The following BICD1 variants were observed in gnomAD, a reference collection of about 807,000 sequenced individuals.
BICD1 encodes protein bicaudal D homolog 1.
In BICD1, 35 loss-of-function variants were observed where a neutral mutation model predicts 92.5. The observed-to-expected ratio is 0.38, with a 90% CI of 0.29 to 0.50. BICD1 has a LOEUF of 0.50. Among genes scored for constraint, BICD1 ranks in the 20% least tolerant of loss-of-function variants. The pLI is 0.93. For synonymous variants in BICD1, 429 were observed against 465.1 expected (o/e 0.92, Z 1.00); for missense variants, 950 against 1,189.8 (o/e 0.80, Z 2.97).
At chr12:32,204,259 A>G (rs1327386662) in intron 1 of BICD1, among the ~76,000 whole-genome samples, 1 of 151,904 alleles carries the variant, frequency 6.6e-6, no homozygotes, top group Non-Finnish European at 1.5e-5. Context: ...CTGAGGTGGG[A>G]AGATTGCCTG....
At chr12:32,114,726 A>G (rs1941827784) in intron 1 of BICD1, among the ~76,000 whole-genome samples, 1 of 152,198 alleles carries the variant, frequency 6.6e-6, no homozygotes, top group African/African-American at 2.4e-5. Context: ...TAGAAGCCTA[A>G]TTTCTAGAAT....
intron 1 of BICD1, among the ~76,000 whole-genome samples, chr12:32,199,563 TAC>T (rs1318928774): frequency 6.6e-6 from 1 of 152,168 alleles, no homozygotes; most frequent in Non-Finnish European, 1.5e-5. Flanking sequence ...AACTCAAAAT[TAC>T]AGTTTTCCAG....
At chr12:32,300,433 C>T (rs35298747) in intron 3 of BICD1, among the ~76,000 whole-genome samples, 27 of 151,334 alleles carry the variant, frequency 1.8e-4, no homozygotes, top group African/African-American at 5.6e-4. Flanking sequence ...AACCTCTGGT[C>T]TAGGCCATCA....
At chr12:32,257,648 G>A (rs1946756659) in intron 2 of BICD1, among the ~76,000 whole-genome samples, 1 of 152,122 alleles carries the variant, frequency 6.6e-6, no homozygotes, top group South Asian at 2.1e-4. Context: ...ATGAACCCTA[G>A]AAAGGCTTGC....
chr12:32,302,166 G>A (rs11051914), intron 3 of BICD1, among the ~76,000 whole-genome samples: 25,525 of 152,138 alleles, frequency 0.17, 2,752 homozygotes, highest in African/African-American at 0.3. Context: ...GATTACAGGC[G>A]TGAGCCACTG....
chr12:32,211,033 C>G (rs1211402368), intron 1 of BICD1, among the ~76,000 whole-genome samples: 2 of 152,188 alleles, frequency 1.3e-5, no homozygotes, highest in Non-Finnish European at 2.9e-5. Flanking sequence ...ATGCCCAATT[C>G]TAGTTGCTGA....
chr12:32,320,358 G>C (rs1255803731), intron 4 of BICD1, among the ~76,000 whole-genome samples: 13 of 151,858 alleles, frequency 8.6e-5, no homozygotes, highest in Admixed American at 8.5e-4. Flanking sequence ...AAAAGGTTTT[G>C]AGGCTGGGCA....
At chr12:32,134,849 G>T (rs370256071) in intron 1 of BICD1, among the ~76,000 whole-genome samples, 1 of 152,168 alleles carries the variant, frequency 6.6e-6, no homozygotes. Flanking sequence ...CTGATATCCC[G>T]TGGCCACAGT....
At chr12:32,373,590 G>A (rs1939817426) in intron 9 of BICD1, among the ~76,000 whole-genome samples, 1 of 152,082 alleles carries the variant, frequency 6.6e-6, no homozygotes, top group Non-Finnish European at 1.5e-5. Context: ...AAGAGTATTG[G>A]GGCCAGGTGC....
At chr12:32,346,586 GTATATATA>G (rs1209956649) in intron 8 of BICD1, among the ~76,000 whole-genome samples, 714 of 10,044 alleles carry the variant, frequency 0.071, 80 homozygotes, top group Middle Eastern at 0.21. Context: ...ATATATACGT[GTATATATA>G]TATATATATA....
At chr12:32,187,529 G>A (rs1190643886) in intron 1 of BICD1, among the ~76,000 whole-genome samples, 3 of 152,024 alleles carry the variant, frequency 2.0e-5, no homozygotes, top group Non-Finnish European at 4.4e-5. Flanking sequence ...AAAATTATTC[G>A]GGCGTGGTGG....
intron 1 of BICD1, among the ~76,000 whole-genome samples, chr12:32,156,557 G>A (rs533089159): frequency 3.3e-5 from 5 of 152,306 alleles, no homozygotes; most frequent in African/African-American, 9.6e-5. Context: ...GGAGATCACC[G>A]TGAACAGCAT....
chr12:32,158,116 T>TC (rs922475230), intron 1 of BICD1, among the ~76,000 whole-genome samples: 5 of 150,654 alleles, frequency 3.3e-5, no homozygotes, highest in Non-Finnish European at 1.5e-5. Context: ...CTTTTTTTTT[T>TC]TTTTTTGAGA....
At chr12:32,119,867 T>G (rs1942080178) in intron 1 of BICD1, among the ~76,000 whole-genome samples, 1 of 90,362 alleles carries the variant, frequency 1.1e-5, no homozygotes, top group Non-Finnish European at 2.5e-5. Context: ...CAAGACTCTG[T>G]CTCAAAACAA....
intron 2 of BICD1, among the ~76,000 whole-genome samples, chr12:32,258,282 G>T (rs12231775): frequency 0.11 from 17,047 of 151,990 alleles, 1,066 homozygotes; most frequent in East Asian, 0.23. Flanking sequence ...CATTTTCATT[G>T]TAGTCACTCT....
chr12:32,137,237 C>T (rs912866485), intron 1 of BICD1, among the ~76,000 whole-genome samples: 2 of 151,894 alleles, frequency 1.3e-5, no homozygotes, highest in African/African-American at 2.4e-5. Context: ...TACAGGCATG[C>T]GCCACCACAC....
chr12:32,272,040 T>G (rs1335969132), intron 2 of BICD1, among the ~76,000 whole-genome samples: 1 of 152,100 alleles, frequency 6.6e-6, no homozygotes, highest in African/African-American at 2.4e-5. Flanking sequence ...TACAAGTTAC[T>G]TTTTATTTAA....
chr12:32,183,012 C>T (rs990953902), intron 1 of BICD1, among the ~76,000 whole-genome samples: 2 of 151,064 alleles, frequency 1.3e-5, no homozygotes, highest in African/African-American at 4.9e-5. Flanking sequence ...CCACCTCAGC[C>T]TCCAGACTAG....
chr12:32,145,489 T>C (rs553883169), intron 1 of BICD1, among the ~76,000 whole-genome samples: 5 of 152,336 alleles, frequency 3.3e-5, no homozygotes, highest in African/African-American at 1.2e-4. Flanking sequence ...ATCCTGAAAA[T>C]CTTTAAGTAG....
Sources: allele counts gnomAD v4.1 joint callset (sites outside exome capture counted in the v4.1 genomes callset), GRCh38; gene constraint gnomAD v4.1.1; transcripts MANE v1.5; gene names NCBI Gene and HGNC (gene_info 2026-07-23, HGNC 2026-07-21).